Variants in CTBP2 observed in about 807,000 individuals in gnomAD.
CTBP2 encodes C-terminal binding protein 2.
In CTBP2, 30 loss-of-function variants were observed where a neutral mutation model predicts 80.3. The observed-to-expected ratio is 0.37, with a 90% CI of 0.28 to 0.51. The LOEUF (loss-of-function observed/expected upper bound fraction) is 0.51, where lower values mean the gene tolerates loss of function less well. Ranked by LOEUF, CTBP2 falls within the 20% of genes least tolerant of loss-of-function variation. CTBP2 has a pLI of 0.93. For missense variants in CTBP2, 1,212 were observed against 1,375.3 expected (o/e 0.88, Z 1.88); for synonymous variants, 594 against 587.4 (o/e 1.01, Z -0.16).
At chr10:125,004,980 C>CT (rs1260395454) in intron 1 of CTBP2, among the ~76,000 whole-genome samples, 6 of 152,202 alleles carry the variant, frequency 3.9e-5, no homozygotes, top group Admixed American at 6.5e-5. Context: ...GGGACGATGA[C>CT]TGGGACCCCA....
At chr10:125,084,905 G>A (rs551338820) in intron 2 of CTBP2, among the ~76,000 whole-genome samples, 32 of 152,292 alleles carry the variant, frequency 2.1e-4, no homozygotes, top group Middle Eastern at 3.4e-3. Flanking sequence ...ACACAGCCAT[G>A]AGTTCCGCCG....
At chr10:125,010,944 C>A (rs1470635061) in intron 1 of CTBP2, among the ~76,000 whole-genome samples, 20 of 152,220 alleles carry the variant, frequency 1.3e-4, no homozygotes, top group Non-Finnish European at 1.5e-5. Context: ...ACTCCTCACA[C>A]TAAAAACGCC....
intron 1 of CTBP2, among the ~76,000 whole-genome samples, chr10:125,025,874 C>G (rs1001563782): frequency 6.6e-6 from 1 of 152,180 alleles, no homozygotes; most frequent in Non-Finnish European, 1.5e-5. Context: ...CACTGCTGCC[C>G]CAGCAGATCT....
intron 1 of CTBP2, among the ~76,000 whole-genome samples, chr10:125,144,541 G>A (rs1369581969): frequency 6.6e-6 from 1 of 152,176 alleles, no homozygotes; most frequent in East Asian, 1.9e-4. Context: ...AGATAAAAAG[G>A]ATTTGCCACA....
intron 2 of CTBP2, 103 bp downstream of exon 4, chr10:125,003,235 G>T: frequency 6.3e-7 from 1 of 1,581,230 alleles, no homozygotes; most frequent in Non-Finnish European, 8.6e-7. Flanking sequence ...AGGGAACAGG[G>T]GTTCTGGGGC....
At chr10:125,077,484 A>G (rs1438507044) in intron 2 of CTBP2, among the ~76,000 whole-genome samples, 1 of 151,682 alleles carries the variant, frequency 6.6e-6, no homozygotes, top group South Asian at 2.1e-4. Context: ...CTGGCTCCAA[A>G]CTCCCCGGGC....
rs200605790 is a variant in CTBP2 at position 125,002,943 on chromosome 10, C to A, written c.1978+17G>T. On this transcript the variant is annotated intron_variant, in intron 3 of 8. Transcript: ENST00000309035. ...GCTCCGGACAACTCCAGGCAGCCAG[C>A]GCTGCCTCGCACTCACCGAGCTCGC... 1.2e-6 allele frequency: 2 copies of A among 1,611,216 alleles called. No individual in the cohort carries two copies. Among genetic ancestry groups the A allele is most frequent in the East Asian group, 4.5e-5 (2 of 44,874 alleles).
At chr10:125,046,171 A>G in intron 2 of CTBP2, among the ~76,000 whole-genome samples, 1 of 152,262 alleles carries the variant, frequency 6.6e-6, no homozygotes, top group East Asian at 1.9e-4. Context: ...AACTGCATTA[A>G]GAAAGAATAT....
intron 1 of CTBP2, among the ~76,000 whole-genome samples, chr10:125,011,312 T>A (rs986477983): frequency 5.9e-5 from 9 of 152,196 alleles, no homozygotes; most frequent in South Asian, 2.1e-4. Context: ...AAATAAAACA[T>A]GTATCTGAAT....
chr10:125,083,379 A>G (rs774201558), intron 2 of CTBP2, among the ~76,000 whole-genome samples: 8 of 152,182 alleles, frequency 5.3e-5, no homozygotes, highest in South Asian at 2.1e-4. Flanking sequence ...CCCATTCCAC[A>G]GGCACCACTG....
At chr10:125,082,597 T>G (rs1380292722) in intron 2 of CTBP2, among the ~76,000 whole-genome samples, 3 of 144,622 alleles carry the variant, frequency 2.1e-5, no homozygotes, top group African/African-American at 7.7e-5. Flanking sequence ...CTCTTTTTTT[T>G]TTTTTTTTTT....
At chr10:125,013,564 G>A (rs1488483982) in intron 1 of CTBP2, among the ~76,000 whole-genome samples, 1 of 152,200 alleles carries the variant, frequency 6.6e-6, no homozygotes, top group African/African-American at 2.4e-5. Context: ...TATACCATAT[G>A]CTGAGCATCA....
Position 124,992,697 on chromosome 10 carries a change from G to C in CTBP2, c.2775C>G (p.Tyr925Ter). ...ACAAAGTCAGTTCCTTTTCTCACCTGTATGTGGCACCATTGAGCTCAGGAT... is the reference window on the plus strand; with the variant it reads ...ACAAAGTCAGTTCCTTTTCTCACCTCTATGTGGCACCATTGAGCTCAGGAT... Residue 925 changes from tyrosine (Y) to a stop codon, truncating the protein, a stop_gained and splice_region_variant, in exon 8 of 9, where the codon TAC becomes TAG. Coordinates refer to ENST00000309035, the MANE Select transcript of CTBP2 (RefSeq NM_022802.3). LOFTEE classifies it high-confidence loss of function. 2.5e-6 allele frequency: 4 copies of C among 1,602,462 alleles called. No individual in the cohort carries two copies. The highest frequency in any genetic ancestry group is 3.4e-6 in the Non-Finnish European group (4 of 1,173,542).
chr10:125,013,281 CATATCCCATG>C (rs1956126786), intron 1 of CTBP2, among the ~76,000 whole-genome samples: 12 of 152,240 alleles, frequency 7.9e-5, no homozygotes, highest in African/African-American at 2.9e-4. Flanking sequence ...CCCTACTTTA[CATATCCCATG>C]TGGGCAGGGT....
intron 1 of CTBP2, among the ~76,000 whole-genome samples, chr10:125,019,975 G>A (rs1197076335): frequency 1.3e-5 from 2 of 152,074 alleles, no homozygotes; most frequent in East Asian, 3.9e-4. Flanking sequence ...GTGACTTGTG[G>A]AGCCCCAGGA....
intron 3 of CTBP2, among the ~76,000 whole-genome samples, chr10:125,002,675 TGGGTGTCTCCA>T (rs1954691967): frequency 6.6e-6 from 1 of 152,202 alleles, no homozygotes; most frequent in Admixed American, 6.5e-5. Context: ...GAGGCGGCAC[TGGGTGTCTCCA>T]AATTGAGCCT....
chr10:125,129,583 G>A (rs1427241509), intron 1 of CTBP2, among the ~76,000 whole-genome samples: 1 of 152,130 alleles, frequency 6.6e-6, no homozygotes, highest in Non-Finnish European at 1.5e-5. Context: ...GAACCCGGGG[G>A]TGGTGTGCAC....
intron 1 of CTBP2, chr10:125,138,336 A>C (rs1857271490): frequency 6.6e-6 from 1 of 152,140 alleles, no homozygotes; most frequent in Non-Finnish European, 1.5e-5. Context: ...AGCAACACGG[A>C]CCTCATGCGG....
At chr10:125,031,360 G>A (rs540180509), upstream of CTBP2, among the ~76,000 whole-genome samples, 2 of 151,756 alleles carry the variant, frequency 1.3e-5, no homozygotes, top group South Asian at 2.1e-4. Flanking sequence ...GTGGTGGCGG[G>A]TGCCTGTAAT....
Sources: gnomAD v4.1 joint callset for allele counts (sites outside exome capture counted in the v4.1 genomes callset) on GRCh38, gnomAD v4.1.1 for gene constraint, MANE v1.5 for transcripts, NCBI Gene and HGNC (gene_info 2026-07-23, HGNC 2026-07-21) for gene names.